The following SULT2B1 variants were observed in gnomAD, a reference collection of about 807,000 sequenced individuals.
The protein encoded by SULT2B1 is sulfotransferase 2B1.
SULT2B1 carries 16 observed loss-of-function variants against 33.2 expected under a neutral mutation model. That is an observed-to-expected ratio of 0.48 (90% CI 0.33 to 0.73). The LOEUF (loss-of-function observed/expected upper bound fraction) is 0.73. Ranked by LOEUF, SULT2B1 falls within the 30% of genes least tolerant of loss-of-function variation. SULT2B1 has a pLI of 0.02. For missense variants in SULT2B1, 500 were observed against 506.0 expected (o/e 0.99, Z 0.11); for synonymous variants, 186 against 200.5 (o/e 0.93, Z 0.61).
chr19:48,562,379 T>C, intron 1 of SULT2B1, among the ~76,000 whole-genome samples: 1 of 149,110 alleles, frequency 6.7e-6, no homozygotes, highest in Middle Eastern at 3.4e-3. Flanking sequence ...AGAGCGAAAC[T>C]CTGTCTCAAA....
intron 1 of SULT2B1, among the ~76,000 whole-genome samples, chr19:48,571,376 T>C (rs190057480): frequency 5.8e-3 from 883 of 151,354 alleles, no homozygotes; most frequent in African/African-American, 0.02. Flanking sequence ...TTTGTATTTT[T>C]AGTAGAGATG....
At chr19:48,563,698 C>T (rs979661676) in intron 1 of SULT2B1, among the ~76,000 whole-genome samples, 1 of 152,118 alleles carries the variant, frequency 6.6e-6, no homozygotes, top group Non-Finnish European at 1.5e-5. Flanking sequence ...GGCACCGTGG[C>T]TCACACTTGT....
intron 1 of SULT2B1, among the ~76,000 whole-genome samples, chr19:48,567,373 C>T (rs951923006): frequency 4.0e-5 from 6 of 151,464 alleles, no homozygotes; most frequent in Non-Finnish European, 8.8e-5. Context: ...ACCAGCCTGA[C>T]CAACATGGAG....
intron 3 of SULT2B1, among the ~76,000 whole-genome samples, chr19:48,588,071 C>T (rs1223835294): frequency 6.6e-6 from 1 of 151,286 alleles, no homozygotes; most frequent in African/African-American, 2.4e-5. Context: ...TTAGTCGGAT[C>T]TGGTGGTGGG....
chr19:48,589,413 G>A (rs571663115), intron 3 of SULT2B1, among the ~76,000 whole-genome samples: 126 of 152,254 alleles, frequency 8.3e-4, no homozygotes, highest in Middle Eastern at 3.4e-3. Context: ...TGCACCCATC[G>A]GGATCTGAGG....
At chr19:48,566,514 A>G (rs1216089524) in intron 1 of SULT2B1, among the ~76,000 whole-genome samples, 1 of 152,150 alleles carries the variant, frequency 6.6e-6, no homozygotes, top group African/African-American at 2.4e-5. Context: ...CCTGGCCAAA[A>G]TGGCAAAACC....
At chr19:48,564,901 C>T (rs1458220336) in intron 1 of SULT2B1, among the ~76,000 whole-genome samples, 2 of 151,990 alleles carry the variant, frequency 1.3e-5, no homozygotes, top group Non-Finnish European at 2.9e-5. Flanking sequence ...AGCGATTCTT[C>T]TGCCTCAGCC....
intron 2 of SULT2B1, among the ~76,000 whole-genome samples, chr19:48,578,136 T>C (rs943162576): frequency 2.2e-4 from 33 of 150,290 alleles, no homozygotes; most frequent in Non-Finnish European, 3.8e-4. Flanking sequence ...TCACTTTAGC[T>C]AGAGAGGTCG....
intron 1 of SULT2B1, among the ~76,000 whole-genome samples, chr19:48,555,161 G>A (rs534260763): frequency 3.2e-4 from 48 of 152,202 alleles, no homozygotes; most frequent in African/African-American, 1.1e-3. Flanking sequence ...GCACGATCTC[G>A]GCTCACTACA....
chr19:48,579,321 C>T (rs1226616919), intron 2 of SULT2B1, among the ~76,000 whole-genome samples: 4 of 144,254 alleles, frequency 2.8e-5, no homozygotes, highest in East Asian at 2.1e-4. Flanking sequence ...CTCGCTCTGT[C>T]GCCCAGGCTG....
chr19:48,582,114 A>G (rs1973498998), intron 2 of SULT2B1, among the ~76,000 whole-genome samples: 1 of 151,520 alleles, frequency 6.6e-6, no homozygotes, highest in African/African-American at 2.4e-5. Flanking sequence ...CATGTGGGCC[A>G]GGCTGGTCTC....
chr19:48,577,827 C>T (rs533382501), intron 2 of SULT2B1, among the ~76,000 whole-genome samples: 1 of 152,184 alleles, frequency 6.6e-6, no homozygotes, highest in Non-Finnish European at 1.5e-5. Context: ...AAATGTCTCC[C>T]TTTATGGAGC....
chr19:48,592,853 C>A (rs759199438), intron 5 of SULT2B1, 37 bp downstream of exon 5: 15 of 1,524,026 alleles, frequency 9.8e-6, no homozygotes, highest in East Asian at 2.4e-5. Flanking sequence ...GCGTCCCCCC[C>A]ATACCCTCTG....
intron 5 of SULT2B1, among the ~76,000 whole-genome samples, chr19:48,593,722 A>T (rs59322483): frequency 6.7e-6 from 1 of 149,086 alleles, no homozygotes; most frequent in African/African-American, 2.5e-5. Context: ...GCAACCTCCA[A>T]CTCCCACGTT....
intron 2 of SULT2B1, among the ~76,000 whole-genome samples, chr19:48,584,380 T>C (rs1181463251): frequency 6.6e-6 from 1 of 152,192 alleles, no homozygotes; most frequent in Non-Finnish European, 1.5e-5. Flanking sequence ...GGCTGGCCCC[T>C]GTCCATCACA....
At chr19:48,563,089 AT>A (rs552799757) in intron 1 of SULT2B1, among the ~76,000 whole-genome samples, 2 of 152,010 alleles carry the variant, frequency 1.3e-5, no homozygotes, top group African/African-American at 2.4e-5. Flanking sequence ...ATTAAAATAG[AT>A]TTTTTGTGGA....
Position 48,579,563 on chromosome 19 carries a change from C to G in SULT2B1, c.214+3480C>G, listed in dbSNP as rs187267679. 7.2e-3 allele frequency among the ~76,000 whole-genome samples: 1,078 copies of G among 149,268 alleles called. 17 individuals are homozygous for G. Among genetic ancestry groups the G allele is most frequent in the African/African-American group, 0.025 (994 of 40,526 alleles). On this transcript the variant is annotated intron_variant, in intron 2 of 6. Transcript: ENST00000201586. ...TCCCAAAGTGCTGGGATTACAGGCA[C>G]GAGCCACCGCGCCCGGCCTTTTTCT...
chr19:48,581,890 A>ATATTATTATTAT (rs71335807), intron 2 of SULT2B1, among the ~76,000 whole-genome samples: 4 of 137,736 alleles, frequency 2.9e-5, no homozygotes, highest in African/African-American at 1.1e-4. Context: ...TATTATTATT[A>ATATTATTATTAT]TATTATTATT....
At chr19:48,590,060 A>G (rs1311992260) in intron 3 of SULT2B1, among the ~76,000 whole-genome samples, 3 of 151,836 alleles carry the variant, frequency 2.0e-5, no homozygotes, top group Non-Finnish European at 4.4e-5. Context: ...GCTCACTGCA[A>G]CCTCTGCCCC....
Sources: gnomAD v4.1 joint callset for allele counts (sites outside exome capture counted in the v4.1 genomes callset) on GRCh38, gnomAD v4.1.1 for gene constraint, MANE v1.5 for transcripts, NCBI Gene and HGNC (gene_info 2026-07-23, HGNC 2026-07-21) for gene names.